EFCAB9: variants seen among roughly 807,000 people sequenced by gnomAD.
EFCAB9 encodes the protein EF-hand calcium-binding domain-containing protein 9.
EFCAB9 carries 16 observed loss-of-function variants against 15.6 expected under a neutral mutation model. The ratio of observed to expected loss-of-function variants is 1.03; its 90% CI spans 0.69 to 1.56. The LOEUF is 1.56. EFCAB9 is among the 40% of genes most tolerant of loss of function. The pLI is 0.00. For synonymous variants in EFCAB9, 76 were observed against 85.4 expected (o/e 0.89, Z 0.61); for missense variants, 208 against 235.4 (o/e 0.88, Z 0.76).
At chr5:172,199,932 C>CTTTTTT (rs34086491) in intron 2 of EFCAB9, among the ~76,000 whole-genome samples, 4 of 102,346 alleles carry the variant, frequency 3.9e-5, no homozygotes, top group East Asian at 3.2e-4. Flanking sequence ...ACCCAGTTTC[C>CTTTTTT]TTTTTTTTTT....
chr5:172,202,325 TTCA>T (rs1428465869), intron 3 of EFCAB9, among the ~76,000 whole-genome samples: 11 of 88,286 alleles, frequency 1.2e-4, no homozygotes, highest in Non-Finnish European at 2.2e-4. Flanking sequence ...AGAGTGAGAC[TTCA>T]TCTCAAAAAA....
chr5:172,195,270 C>T (rs1429079513), intron 1 of EFCAB9, among the ~76,000 whole-genome samples: 1 of 152,074 alleles, frequency 6.6e-6, no homozygotes, highest in Non-Finnish European at 1.5e-5. Context: ...TCCAATTAAA[C>T]ACTTGAGGTT....
rs780428536 is a variant in EFCAB9 at position 172,194,238 on chromosome 5, C to A, written c.66C>A (p.Ser22=). 13 of 1,537,618 alleles carry A rather than the reference C, an allele frequency of 8.5e-6. No individual in the cohort carries two copies. The highest frequency in any genetic ancestry group is 2.0e-5 in the Admixed American group (1 of 50,942). ...LYLDKIYCLL[S]VRNVKALAEY... is the part of the protein sequence containing the mutation. ...TGGACAAAATATACTGCTTATTATC[C>A]GTGAGAAACGTGAAGGCTTTGGCAG... Residue 22 remains serine (S), a synonymous_variant, in exon 1 of 4, where the codon TCC becomes TCA. Coordinates refer to ENST00000398186, the MANE Select transcript of EFCAB9 (RefSeq NM_001171183.2).
chr5:172,198,140 C>T (rs1209722123), intron 1 of EFCAB9, among the ~76,000 whole-genome samples: 1 of 152,178 alleles, frequency 6.6e-6, no homozygotes, highest in Non-Finnish European at 1.5e-5. Context: ...CCAGGAAGTC[C>T]AGCTGACTTC....
At chr5:172,201,189 A>C (rs918915645) in intron 3 of EFCAB9, among the ~76,000 whole-genome samples, 1 of 152,042 alleles carries the variant, frequency 6.6e-6, no homozygotes, top group African/African-American at 2.4e-5. Context: ...CAGCCTGACC[A>C]ATACGGAGAA....
At chr5:172,195,780 C>T (rs1161737905) in intron 1 of EFCAB9, among the ~76,000 whole-genome samples, 2 of 152,000 alleles carry the variant, frequency 1.3e-5, no homozygotes, top group African/African-American at 4.8e-5. Flanking sequence ...AGCCAGAGTC[C>T]ACCGGTTTCA....
At chr5:172,199,612 C>T (rs533105213) in intron 2 of EFCAB9, 81 bp downstream of exon 2, 3 of 1,476,868 alleles carry the variant, frequency 2.0e-6, no homozygotes, top group South Asian at 1.3e-5. Context: ...TTCCTCCTTT[C>T]ACTAAAAAGA....
At chr5:172,196,263 C>T (rs1002187116) in intron 1 of EFCAB9, among the ~76,000 whole-genome samples, 2 of 152,210 alleles carry the variant, frequency 1.3e-5, no homozygotes, top group African/African-American at 4.8e-5. Context: ...GGAGAAGGAA[C>T]ATCAAGAGGC....
chr5:172,199,760 C>T (rs1771225701), intron 2 of EFCAB9, among the ~76,000 whole-genome samples: 1 of 152,078 alleles, frequency 6.6e-6, no homozygotes. Context: ...ACAGATGTGG[C>T]CCATCGCATC....
Position 172,203,301 on chromosome 5 carries a change from G to A in EFCAB9, c.550G>A (p.Gly184Arg), listed in dbSNP as rs376646444. 1,542 of 1,536,634 alleles carry A rather than the reference G, an allele frequency of 1.0e-3. 37 individuals are homozygous for A. In the South Asian group the frequency reaches 0.018, roughly 18 times the overall value. The change falls in exon 4 of 4, where the codon GGA becomes AGA. Residue 184 changes from glycine (G) to arginine (R), a missense_variant. Gly to Arg is a moderately radical substitution (Grantham distance 125). Coordinates refer to ENST00000398186, the MANE Select transcript of EFCAB9 (RefSeq NM_001171183.2). ...KRQKTEEKEK[G>R]ERKRSLYSKC... The stretch of plus-strand genomic sequence containing the variant: ...GCAGAAAACAGAGGAGAAAGAAAAA[G>A]GAGAGAGAAAGAGAAGTCTCTACTC...
At chr5:172,203,067 A>T in intron 3 of EFCAB9, 147 bp from the exon 4 acceptor site, 2 of 755,550 alleles carry the variant, frequency 2.6e-6, no homozygotes, top group Non-Finnish European at 4.0e-6. Context: ...GTACTCGACT[A>T]CAATCGGACT....
At position 172,200,775 on chromosome 5, in the gene EFCAB9, G is replaced by A. The variant is rs542088804; in HGVS notation, c.462+33G>A. 7 of 1,513,968 alleles carry A rather than the reference G, an allele frequency of 4.6e-6. No homozygotes were observed. In the East Asian group the frequency reaches 7.4e-5, roughly 16 times the overall value. The allele number at this position is 1,513,968 out of a possible 1,614,324, so 93.8% of individuals were successfully genotyped here. A position where few individuals can be genotyped will look rare whatever the true frequency, so the allele number is the denominator to read the frequency against. On this transcript the variant is annotated intron_variant, in intron 3 of 3. Coordinates refer to ENST00000398186, the MANE Select transcript of EFCAB9 (RefSeq NM_001171183.2). The stretch of plus-strand genomic sequence containing the variant: ...CAGATCCAAAATGTGGCATGTGTGT[G>A]GCAGTCTCTTCCCAAAAGCAGAGAA...
Position 172,200,724 on chromosome 5 carries a change from T to G in EFCAB9, c.444T>G (p.Phe148Leu). 6.5e-7 allele frequency: 1 copy of G among 1,537,310 alleles called. No homozygotes were observed. The highest frequency in any genetic ancestry group is 2.0e-5 in the Admixed American group (1 of 50,942). ...KQELKDLFRDFDITGDNRLNY... is the reference protein window; with the variant it reads ...KQELKDLFRDLDITGDNRLNY... ...AACTCAAAGATCTCTTCCGTGACTT[T>G]GACATTACAGGTGACAATGTAAGTA... The change falls in exon 3 of 4, where the codon TTT becomes TTG. Residue 148 changes from phenylalanine (F) to leucine (L), a missense_variant. Coordinates refer to ENST00000398186, the MANE Select transcript of EFCAB9 (RefSeq NM_001171183.2).
At position 172,203,218 on chromosome 5, in the gene EFCAB9, T is replaced by C; in HGVS notation, c.467T>C (p.Leu156Pro). Residue 156 changes from leucine (L) to proline (P), a missense_variant, in exon 4 of 4, where the codon CTT becomes CCT. By Grantham distance (98) the Leu-to-Pro change is moderately conservative. Coordinates refer to ENST00000398186, the MANE Select transcript of EFCAB9 (RefSeq NM_001171183.2). Reference sequence around the variant, plus strand: ...TCCCCCCCACCCTAACCAAAGCGTCTTAATTATCAGGAATTTAAGCTGTAT... The same window carrying C: ...TCCCCCCCACCCTAACCAAAGCGTCCTAATTATCAGGAATTTAAGCTGTAT... ...RDFDITGDNRLNYQEFKLYTI... is the reference protein window; with the variant it reads ...RDFDITGDNRPNYQEFKLYTI... 2 of 1,520,176 alleles carry C rather than the reference T, an allele frequency of 1.3e-6. No homozygotes were observed. Among genetic ancestry groups the C allele is most frequent in the Non-Finnish European group, 1.8e-6 (2 of 1,140,604 alleles). 94.2% of individuals were successfully genotyped at this position (1,520,176 alleles called of 1,614,324 possible). A position where few individuals can be genotyped will look rare whatever the true frequency, so the allele number is the denominator to read the frequency against.
In EFCAB9 at chr5:172,194,240, T is replaced by A; in HGVS notation, c.68T>A (p.Val23Glu). Residue 23 changes from valine (V) to glutamate (E), a missense_variant, in exon 1 of 4, where the codon GTG becomes GAG. By Grantham distance (121) the Val-to-Glu change is moderately radical. Coordinates refer to ENST00000398186, the MANE Select transcript of EFCAB9 (RefSeq NM_001171183.2). ...YLDKIYCLLS[V>E]RNVKALAEYF... Reference sequence around the variant, plus strand: ...GACAAAATATACTGCTTATTATCCGTGAGAAACGTGAAGGCTTTGGCAGAA... The same window carrying A: ...GACAAAATATACTGCTTATTATCCGAGAGAAACGTGAAGGCTTTGGCAGAA... 1 of 1,537,504 alleles carries A rather than the reference T, an allele frequency of 6.5e-7. No individual in the cohort carries two copies. Among genetic ancestry groups the A allele is most frequent in the Non-Finnish European group, 8.7e-7 (1 of 1,146,800 alleles).
intron 3 of EFCAB9, among the ~76,000 whole-genome samples, chr5:172,201,816 C>A (rs1411812959): frequency 6.6e-6 from 1 of 152,036 alleles, no homozygotes; most frequent in Non-Finnish European, 1.5e-5. Flanking sequence ...CCAGGCCAGC[C>A]CGGGCAACAT....
At chr5:172,197,350 G>A (rs952144249) in intron 1 of EFCAB9, among the ~76,000 whole-genome samples, 46 of 151,670 alleles carry the variant, frequency 3.0e-4, no homozygotes, top group Admixed American at 7.2e-4. Context: ...CAGGTAATCC[G>A]CCTGCCTCAG....
intron 1 of EFCAB9, among the ~76,000 whole-genome samples, chr5:172,198,760 T>C (rs1193554586): frequency 6.6e-6 from 1 of 151,926 alleles, no homozygotes; most frequent in Non-Finnish European, 1.5e-5. Context: ...GGACTACAGG[T>C]GTGTGCCACC....
At position 172,200,710 on chromosome 5, in the gene EFCAB9, C is replaced by T. The variant is rs55813110; in HGVS notation, c.430C>T (p.Leu144Phe). The T allele has an allele frequency of 1.3e-6, 2 of 1,537,550 alleles. No homozygotes were observed. Among genetic ancestry groups the T allele is most frequent in the Non-Finnish European group, 1.7e-6 (2 of 1,146,934 alleles). ...TATTCAAAAACAGGAACTCAAAGAT[C>T]TCTTCCGTGACTTTGACATTACAGG... ...FNIQKQELKD[L>F]FRDFDITGDN... The change falls in exon 3 of 4, where the codon CTC (leucine) becomes TTC (phenylalanine). Residue 144 changes from leucine to phenylalanine, a missense_variant. Leu to Phe is a conservative substitution (Grantham distance 22). Coordinates refer to ENST00000398186, the MANE Select transcript of EFCAB9 (RefSeq NM_001171183.2).
Sources: gnomAD v4.1 joint callset for allele counts (sites outside exome capture counted in the v4.1 genomes callset) on GRCh38, gnomAD v4.1.1 for gene constraint, MANE v1.5 for transcripts, NCBI Gene and HGNC (gene_info 2026-07-23, HGNC 2026-07-21) for gene names.